TGFBR1: variants seen among roughly 807,000 people sequenced by gnomAD.
The protein encoded by TGFBR1 is TGF-beta receptor type-1.
In TGFBR1, 20 loss-of-function variants were observed where a neutral mutation model predicts 55.1. The observed-to-expected ratio is 0.36, with a 90% confidence interval of 0.26 to 0.53. TGFBR1 has a LOEUF of 0.53. Ranked by LOEUF, TGFBR1 falls within the 20% of genes least tolerant of loss-of-function variation. TGFBR1 has a pLI of 0.91. For synonymous variants in TGFBR1, 220 were observed against 214.8 expected (o/e 1.02, Z -0.21); for missense variants, 385 against 617.6 (o/e 0.62, Z 3.99).
At chr9:99,121,465 A>T (rs1194908621) in intron 1 of TGFBR1, among the ~76,000 whole-genome samples, 1 of 152,190 alleles carries the variant, frequency 6.6e-6, no homozygotes. Context: ...AAAAGAGGAC[A>T]CGTCTCCTTG....
intron 1 of TGFBR1, among the ~76,000 whole-genome samples, chr9:99,128,475 TA>T (rs66612011): frequency 0.022 from 2,327 of 104,016 alleles, 34 homozygotes; most frequent in Middle Eastern, 0.073. Context: ...TTGGGCCTGG[TA>T]AAAAAAAAAA....
intron 1 of TGFBR1, among the ~76,000 whole-genome samples, chr9:99,120,987 A>C (rs934006238): frequency 6.6e-6 from 1 of 152,246 alleles, no homozygotes; most frequent in African/African-American, 2.4e-5. Flanking sequence ...CTAATTCCAT[A>C]GAAACTAGGA....
chr9:99,142,182 G>C (rs1827634228), intron 4 of TGFBR1, among the ~76,000 whole-genome samples: 1 of 151,856 alleles, frequency 6.6e-6, no homozygotes, highest in African/African-American at 2.4e-5. Flanking sequence ...TCTCCTTCCA[G>C]GAACAGCCAC....
upstream of TGFBR1, among the ~76,000 whole-genome samples, chr9:99,104,781 C>T (rs976718860): frequency 3.9e-5 from 6 of 152,194 alleles, no homozygotes; most frequent in Non-Finnish European, 7.4e-5. Flanking sequence ...GAGACTCACA[C>T]AGACACACCC....
At chr9:99,130,047 A>G (rs1421859082) in intron 2 of TGFBR1, among the ~76,000 whole-genome samples, 2 of 152,216 alleles carry the variant, frequency 1.3e-5, no homozygotes, top group Non-Finnish European at 1.5e-5. Context: ...CAGATCCCAA[A>G]GGAATATAAA....
Position 99,149,811 on chromosome 9 carries a change from A to T in TGFBR1, c.*506A>T. ...GGATCTTAAAACTAACACTTATAAA[A>T]CTCTTATCTTGAGTCTAAAAATGAC... On this transcript the variant is annotated 3_prime_UTR_variant, in exon 9 of 9. Transcript: ENST00000374994. 4.4e-6 allele frequency: 1 copy of T among 227,874 alleles called. No individual in the cohort carries two copies. The highest frequency in any genetic ancestry group is 1.5e-4 in the South Asian group (1 of 6,512). 14.1% of individuals were successfully genotyped at this position (227,874 alleles called of 1,614,324 possible).
In TGFBR1 at chr9:99,146,517, T is replaced by C; in HGVS notation, c.1163T>C (p.Ile388Thr). Reference sequence around the variant, plus strand: ...GCCCCTGAAGTTCTCGATGATTCCATAAATATGAAACATTTTGAATCCTTC... The same window carrying C: ...GCCCCTGAAGTTCTCGATGATTCCACAAATATGAAACATTTTGAATCCTTC... ...YMAPEVLDDS[I>T]NMKHFESFKR... Residue 388 changes from isoleucine (I) to threonine (T), a missense_variant, in exon 7 of 9, where the codon ATA (isoleucine) becomes ACA (threonine). Physicochemically the swap from Ile to Thr is moderately conservative, Grantham distance 89. Around this residue, in one of 5 missense-constraint regions of TGFBR1, gnomAD observed 110 missense variants for 154.6 expected, o/e 0.71. Coordinates refer to ENST00000374994, the MANE Select transcript of TGFBR1 (RefSeq NM_004612.4). 1.2e-6 allele frequency: 2 copies of C among 1,613,994 alleles called. No individual in the cohort carries two copies. Among genetic ancestry groups the C allele is most frequent in the Non-Finnish European group, 1.7e-6 (2 of 1,179,896 alleles).
intron 1 of TGFBR1, among the ~76,000 whole-genome samples, chr9:99,107,955 C>G (rs1327602755): frequency 6.6e-6 from 1 of 152,190 alleles, no homozygotes; most frequent in Non-Finnish European, 1.5e-5. Flanking sequence ...CTCTGCAACA[C>G]TTAACAGTTT....
rs750150798 is a variant in TGFBR1 at position 99,128,870 on chromosome 9, G to A, written c.113G>A (p.Cys38Tyr). The A allele has an allele frequency of 1.2e-6, 2 of 1,613,720 alleles. No individual in the cohort carries two copies. The highest frequency in any genetic ancestry group is 1.7e-6 in the Non-Finnish European group (2 of 1,179,880). The change falls in exon 2 of 9, where the codon TGC becomes TAC. Residue 38 changes from cysteine to tyrosine, a missense_variant. Physicochemically the swap from Cys to Tyr is radical, Grantham distance 194. Around this residue, in one of 5 missense-constraint regions of TGFBR1, gnomAD observed 7 missense variants for 26.8 expected, o/e 0.26. Transcript: ENST00000374994. Reference sequence around the variant, plus strand: ...CTTTTTCCAGCGTTACAGTGTTTCTGCCACCTCTGTACAAAAGACAATTTT... The same window carrying A: ...CTTTTTCCAGCGTTACAGTGTTTCTACCACCTCTGTACAAAAGACAATTTT... Reference protein sequence around the residue: ...LPGATALQCFCHLCTKDNFTC... With the variant: ...LPGATALQCFYHLCTKDNFTC...
chr9:99,116,155 TTG>T (rs780792256), intron 1 of TGFBR1, among the ~76,000 whole-genome samples: 5 of 150,468 alleles, frequency 3.3e-5, no homozygotes, highest in Non-Finnish European at 5.9e-5. Flanking sequence ...ATGATCATAA[TTG>T]TTTCTTCACT....
At chr9:99,133,996 TAA>T (rs550064982) in intron 3 of TGFBR1, among the ~76,000 whole-genome samples, 59 of 110,578 alleles carry the variant, frequency 5.3e-4, no homozygotes, top group Admixed American at 5.8e-4. Flanking sequence ...AGACTCCATC[TAA>T]AAAAAAAAAA....
chr9:99,123,892 C>A (rs1207008926), intron 1 of TGFBR1, among the ~76,000 whole-genome samples: 2 of 152,122 alleles, frequency 1.3e-5, no homozygotes, highest in Non-Finnish European at 2.9e-5. Flanking sequence ...CATTTATGTT[C>A]GTTTCCAAAT....
At chr9:99,111,326 G>C (rs1456013639) in intron 1 of TGFBR1, among the ~76,000 whole-genome samples, 1 of 16,528 alleles carries the variant, frequency 6.1e-5, no homozygotes, top group African/African-American at 2.4e-4. Context: ...TTTTTTTTTT[G>C]AGTATAAAAA....
At chr9:99,112,246 CAAAG>C (rs1457971796) in intron 1 of TGFBR1, among the ~76,000 whole-genome samples, 1 of 152,142 alleles carries the variant, frequency 6.6e-6, no homozygotes, top group African/African-American at 2.4e-5. Context: ...ACATTTGAAA[CAAAG>C]AAATCAGAGG....
chr9:99,147,657 T>G lies in TGFBR1; in HGVS notation c.1259T>G (p.Ile420Ser). ...EIARRCSIGG[I>S]HEDYQLPYYD... Reference sequence around the variant, plus strand: ...AATTTTTTTTAAACTGATACAGGAATTCATGAAGATTACCAACTGCCTTAT... The same window carrying G: ...AATTTTTTTTAAACTGATACAGGAAGTCATGAAGATTACCAACTGCCTTAT... Residue 420 changes from isoleucine to serine, a missense_variant, in exon 8 of 9, where the codon ATT (isoleucine) becomes AGT (serine). Ile to Ser is a moderately radical substitution (Grantham distance 142). Around this residue, in one of 5 missense-constraint regions of TGFBR1, gnomAD observed 110 missense variants for 154.6 expected, o/e 0.71. Coordinates refer to ENST00000374994, the MANE Select transcript of TGFBR1 (RefSeq NM_004612.4). The G allele has an allele frequency of 6.2e-7, 1 of 1,613,130 alleles. No homozygotes were observed. Among genetic ancestry groups the G allele is most frequent in the Non-Finnish European group, 8.5e-7 (1 of 1,179,488 alleles).
At chr9:99,135,456 T>G (rs1310470167) in intron 3 of TGFBR1, among the ~76,000 whole-genome samples, 1 of 152,234 alleles carries the variant, frequency 6.6e-6, no homozygotes, top group Admixed American at 6.5e-5. Context: ...ATTCATATGT[T>G]TATTACTTAG....
intron 1 of TGFBR1, among the ~76,000 whole-genome samples, chr9:99,111,092 CATT>C (rs1349127250): frequency 2.0e-5 from 3 of 152,110 alleles, no homozygotes; most frequent in African/African-American, 7.2e-5. Context: ...CTTTCTTTAA[CATT>C]ATATTTTTAG....
At chr9:99,126,784 T>A (rs1281331836) in intron 1 of TGFBR1, among the ~76,000 whole-genome samples, 1 of 152,216 alleles carries the variant, frequency 6.6e-6, no homozygotes, top group Non-Finnish European at 1.5e-5. Flanking sequence ...ACTGTCTCTT[T>A]TAGCAGTCTT....
chr9:99,124,435 G>A (rs948041958), intron 1 of TGFBR1, among the ~76,000 whole-genome samples: 4 of 152,192 alleles, frequency 2.6e-5, no homozygotes, highest in South Asian at 2.1e-4. Context: ...TTGGGCTGGC[G>A]GAAGGAGGTG....
Sources: gnomAD v4.1 joint callset for allele counts (sites outside exome capture counted in the v4.1 genomes callset) on GRCh38, gnomAD v4.1.1 for gene constraint, gnomAD v4.1.1 regional missense constraint, MANE v1.5 for transcripts, NCBI Gene and HGNC (gene_info 2026-07-23, HGNC 2026-07-21) for gene names.